The following LAMP3 variants were observed in gnomAD, a reference collection of about 807,000 sequenced individuals.
LAMP3 encodes the protein lysosome-associated membrane glycoprotein 3.
LAMP3 carries 26 observed loss-of-function variants against 34.8 expected under a neutral mutation model. That is an observed-to-expected ratio of 0.75 (90% CI 0.55 to 1.04). The LOEUF (loss-of-function observed/expected upper bound fraction) is 1.04, where lower values mean the gene tolerates loss of function less well. LAMP3 is among the 50% of genes least tolerant of loss of function. The pLI is 0.00. For missense variants in LAMP3, 495 were observed against 524.0 expected, an observed-to-expected ratio of 0.94 and a Z score of 0.54; for synonymous variants, 180 against 201.9, an observed-to-expected ratio of 0.89 and a Z score of 0.92.
At chr3:183,132,784 CTTAA>C in intron 5 of LAMP3, 1 of 985,438 alleles carries the variant, frequency 1.0e-6, no homozygotes, top group Non-Finnish European at 1.2e-6. Context: ...TTCCCAAGAC[CTTAA>C]CTTTGCACAT....
At chr3:183,150,741 T>G (rs1174695582) in intron 3 of LAMP3, among the ~76,000 whole-genome samples, 1 of 152,028 alleles carries the variant, frequency 6.6e-6, no homozygotes, top group Non-Finnish European at 1.5e-5. Context: ...TTGTTTTCTT[T>G]GGTAAAGACA....
chr3:183,151,693 G>T (rs778462132), intron 3 of LAMP3, among the ~76,000 whole-genome samples: 2 of 151,894 alleles, frequency 1.3e-5, no homozygotes, highest in African/African-American at 4.8e-5. Context: ...CTCCCAAAGT[G>T]CTGGGATTAC....
rs1249567647 is a variant in LAMP3, at chr3:183,162,681, G to A, written c.-26C>T. ...GGTGGGCGCTGGGCGAGGTTCTGCAGCGTGCGGCGAAGTCCGGGCAGGCCC... is the reference window on the plus strand; with the variant it reads ...GGTGGGCGCTGGGCGAGGTTCTGCAACGTGCGGCGAAGTCCGGGCAGGCCC... On this transcript the variant is annotated 5_prime_UTR_variant, in exon 1 of 6. Transcript: ENST00000265598. 2.0e-6 allele frequency: 3 copies of A among 1,513,512 alleles called. No individual in the cohort carries two copies. Among genetic ancestry groups the A allele is most frequent in the Non-Finnish European group, 1.8e-6 (2 of 1,135,928 alleles). The allele number at this position is 1,513,512 out of a possible 1,614,324, so 93.8% of individuals were successfully genotyped here. A position where few individuals can be genotyped will look rare whatever the true frequency, so the allele number is the denominator to read the frequency against.
At chr3:183,155,038 G>A (rs1189461743) in intron 1 of LAMP3, among the ~76,000 whole-genome samples, 1 of 152,034 alleles carries the variant, frequency 6.6e-6, no homozygotes, top group African/African-American at 2.4e-5. Context: ...CCTCAGCCTC[G>A]TGAGTAGCTG....
chr3:183,139,158 G>A (rs1333797302), intron 4 of LAMP3, among the ~76,000 whole-genome samples: 1 of 152,180 alleles, frequency 6.6e-6, no homozygotes, highest in Non-Finnish European at 1.5e-5. Flanking sequence ...GGGAGGCCAA[G>A]GTGCGTGGAT....
At chr3:183,147,209 C>T (rs2108606961) in intron 3 of LAMP3, among the ~76,000 whole-genome samples, 1 of 151,598 alleles carries the variant, frequency 6.6e-6, no homozygotes, top group Middle Eastern at 3.4e-3. Context: ...TGTCACTGCA[C>T]TCCAGCCTGG....
intron 5 of LAMP3, among the ~76,000 whole-genome samples, chr3:183,128,698 C>T (rs977709558): frequency 3.3e-5 from 5 of 152,248 alleles, no homozygotes; most frequent in Admixed American, 3.3e-4. Flanking sequence ...TGTGCCACCA[C>T]ACCCAGCTAA....
At chr3:183,151,681 G>A (rs1720639913) in intron 3 of LAMP3, among the ~76,000 whole-genome samples, 1 of 151,898 alleles carries the variant, frequency 6.6e-6, no homozygotes, top group Admixed American at 6.6e-5. Context: ...GCCCGCCTCA[G>A]CCTCCCAAAG....
chr3:183,162,098 A>C (rs537351038), intron 1 of LAMP3: 27 of 339,952 alleles, frequency 7.9e-5, no homozygotes, highest in African/African-American at 5.1e-4. Flanking sequence ...TAGGGGGAAA[A>C]GCTCTGGAGA....
chr3:183,163,228 T>C (rs1721034248), upstream of LAMP3, among the ~76,000 whole-genome samples: 1 of 151,052 alleles, frequency 6.6e-6, no homozygotes, highest in Non-Finnish European at 1.5e-5. Context: ...AGTGCTGGGA[T>C]TATAGACGTG....
chr3:183,140,298 T>C (rs1576876833), intron 4 of LAMP3, among the ~76,000 whole-genome samples: 2 of 150,666 alleles, frequency 1.3e-5, no homozygotes, highest in South Asian at 4.2e-4. Flanking sequence ...TCCCAGCTAC[T>C]TGGGAGGCTG....
chr3:183,155,665 A>C (rs964433443), intron 1 of LAMP3, among the ~76,000 whole-genome samples: 7 of 152,068 alleles, frequency 4.6e-5, no homozygotes, highest in South Asian at 2.1e-4. Context: ...CCAGCCAAAT[A>C]TTTTCCCTGA....
intron 1 of LAMP3, among the ~76,000 whole-genome samples, chr3:183,157,744 T>TA (rs11380448): frequency 0.11 from 16,741 of 151,190 alleles, 2,037 homozygotes; most frequent in African/African-American, 0.28. Flanking sequence ...AGTGCACCCT[T>TA]AAAAAAAACA....
chr3:183,134,505 G>A (rs1720024544), intron 5 of LAMP3, among the ~76,000 whole-genome samples: 1 of 152,128 alleles, frequency 6.6e-6, no homozygotes, highest in Non-Finnish European at 1.5e-5. Context: ...AAGATCACAC[G>A]ATTACAGAAG....
chr3:183,133,678 G>A (rs1719994077), intron 5 of LAMP3, among the ~76,000 whole-genome samples: 1 of 152,112 alleles, frequency 6.6e-6, no homozygotes, highest in Non-Finnish European at 1.5e-5. Flanking sequence ...TTCTTACAGG[G>A]GCTGCTCAGA....
intron 5 of LAMP3, among the ~76,000 whole-genome samples, chr3:183,126,910 C>G (rs1250106386): frequency 1.3e-5 from 2 of 152,066 alleles, no homozygotes; most frequent in Non-Finnish European, 2.9e-5. Flanking sequence ...TATCACAAAC[C>G]AATGTTTCTT....
intron 5 of LAMP3, among the ~76,000 whole-genome samples, chr3:183,128,486 C>A (rs545468890): frequency 4.6e-5 from 7 of 152,118 alleles, no homozygotes; most frequent in African/African-American, 7.2e-5. Context: ...TAAAATCTGG[C>A]CCCTATTGAT....
chr3:183,132,843 G>A (rs1395761701), intron 5 of LAMP3: 2 of 985,308 alleles, frequency 2.0e-6, no homozygotes, highest in African/African-American at 3.5e-5. Context: ...CCTCTACTGG[G>A]CCTCTTTCTG....
chr3:183,160,807 T>C (rs1720953764), intron 1 of LAMP3: 1 of 152,254 alleles, frequency 6.6e-6, no homozygotes, highest in South Asian at 2.1e-4. Flanking sequence ...TTTAACCTCT[T>C]TGTGCTTCTA....
Sources: gnomAD v4.1 joint callset for allele counts (sites outside exome capture counted in the v4.1 genomes callset) on GRCh38, gnomAD v4.1.1 for gene constraint, MANE v1.5 for transcripts, NCBI Gene and HGNC (gene_info 2026-07-23, HGNC 2026-07-21) for gene names.